PRDM6: variants seen among roughly 807,000 people sequenced by gnomAD.
The protein encoded by PRDM6 is putative histone-lysine N-methyltransferase PRDM6.
A neutral mutation model predicts 60.8 loss-of-function variants in PRDM6; 25 were observed. That is an observed-to-expected ratio of 0.41 (90% CI 0.30 to 0.57). The LOEUF is 0.57. PRDM6 is among the 20% of genes least tolerant of loss of function. The pLI is 0.27. For synonymous variants in PRDM6, 407 were observed against 357.4 expected, an observed-to-expected ratio of 1.14 and a Z score of -1.57; for missense variants, 839 against 821.3, an observed-to-expected ratio of 1.02 and a Z score of -0.26.
intron 7 of PRDM6, among the ~76,000 whole-genome samples, chr5:123,182,957 T>C (rs979898818): frequency 6.6e-6 from 1 of 152,356 alleles, no homozygotes; most frequent in South Asian, 2.1e-4. Flanking sequence ...TCTTTCAGAA[T>C]TGATCTATCC....
At chr5:123,153,788 AGC>A (rs1237247309) in intron 3 of PRDM6, among the ~76,000 whole-genome samples, 1 of 152,186 alleles carries the variant, frequency 6.6e-6, no homozygotes, top group African/African-American at 2.4e-5. Flanking sequence ...TGATCAAATG[AGC>A]CAACGGTTAA....
In PRDM6 at chr5:123,187,698, AGAGTGAGAGCCTTCGCT is replaced by A. The variant is rs1378285434; in HGVS notation, c.*502_*518del. On this transcript the variant is annotated 3_prime_UTR_variant, in exon 8 of 8. Coordinates refer to ENST00000407847, the MANE Select transcript of PRDM6 (RefSeq NM_001136239.4). ...CTGCCCCAGCGGGGACCACGGAAGC[AGAGTGAGAGCCTTCGCT>A]GAGTCAATGCTACCTTCAGCCCCAG... 1 of 156,476 alleles carries A rather than the reference AGAGTGAGAGCCTTCGCT, an allele frequency of 6.4e-6. No homozygotes were observed. The highest frequency in any genetic ancestry group is 6.2e-5 in the Admixed American group (1 of 16,076). 9.7% of individuals were successfully genotyped at this position (156,476 alleles called of 1,614,324 possible).
intron 3 of PRDM6, among the ~76,000 whole-genome samples, chr5:123,125,159 AC>A (rs1561831033): frequency 1.6e-4 from 8 of 48,664 alleles, no homozygotes; most frequent in African/African-American, 4.3e-4. Context: ...CCTCCCCCCC[AC>A]CCGCCGGCCC....
intron 5 of PRDM6, among the ~76,000 whole-genome samples, chr5:123,170,434 G>A (rs536442052): frequency 5.7e-4 from 87 of 152,294 alleles, no homozygotes; most frequent in Admixed American, 1.9e-3. Flanking sequence ...CTCTTGCTGT[G>A]CCTCCCATCT....
intron 3 of PRDM6, among the ~76,000 whole-genome samples, chr5:123,121,116 G>A (rs1764570478): frequency 1.3e-5 from 2 of 152,054 alleles, no homozygotes; most frequent in Admixed American, 1.3e-4. Context: ...AAAGAGCAGG[G>A]TCCTGAAAAG....
chr5:123,148,022 C>T (rs1423609939), intron 3 of PRDM6, among the ~76,000 whole-genome samples: 1 of 152,216 alleles, frequency 6.6e-6, no homozygotes, highest in Non-Finnish European at 1.5e-5. Context: ...CCAAAATACC[C>T]ATTTCCATTT....
chr5:123,180,779 G>A (rs1256789283), intron 7 of PRDM6, among the ~76,000 whole-genome samples: 1 of 152,126 alleles, frequency 6.6e-6, no homozygotes, highest in Non-Finnish European at 1.5e-5. Context: ...GGATTCTGAT[G>A]AAATATATCC....
intron 3 of PRDM6, among the ~76,000 whole-genome samples, chr5:123,119,203 C>T (rs942317433): frequency 2.0e-5 from 3 of 151,996 alleles, no homozygotes; most frequent in Admixed American, 6.6e-5. Flanking sequence ...TAGCCTAAAC[C>T]GACATCCAAA....
At chr5:123,095,355 C>T (rs948985585) in intron 2 of PRDM6, among the ~76,000 whole-genome samples, 1 of 152,248 alleles carries the variant, frequency 6.6e-6, no homozygotes, top group Non-Finnish European at 1.5e-5. Context: ...CCCATCGCTC[C>T]CTTTCAGCCA....
chr5:123,114,504 C>G (rs1764389336), intron 3 of PRDM6, among the ~76,000 whole-genome samples: 1 of 152,194 alleles, frequency 6.6e-6, no homozygotes, highest in South Asian at 2.1e-4. Flanking sequence ...TGAGGTTTTG[C>G]TTTCTCTCCC....
intron 3 of PRDM6, among the ~76,000 whole-genome samples, chr5:123,141,250 A>G (rs1765092638): frequency 6.6e-6 from 1 of 151,980 alleles, no homozygotes; most frequent in Non-Finnish European, 1.5e-5. Flanking sequence ...CTGCAATGAG[A>G]TAGATCTGAA....
At chr5:123,128,388 G>A (rs1344030919) in intron 3 of PRDM6, among the ~76,000 whole-genome samples, 1 of 152,218 alleles carries the variant, frequency 6.6e-6, no homozygotes, top group Non-Finnish European at 1.5e-5. Context: ...CCCACCAACA[G>A]TGTAAAAGCG....
intron 2 of PRDM6, among the ~76,000 whole-genome samples, chr5:123,095,396 TG>T (rs1260397805): frequency 6.6e-6 from 1 of 152,174 alleles, no homozygotes; most frequent in Admixed American, 6.5e-5. Context: ...GAGAAGGCAG[TG>T]GGGGGACCGC....
chr5:123,148,439 T>G (rs373318542), intron 3 of PRDM6, among the ~76,000 whole-genome samples: 77 of 152,194 alleles, frequency 5.1e-4, no homozygotes, highest in Middle Eastern at 3.4e-3. Context: ...TTAATTGTAA[T>G]AGGTGGAGGA....
intron 2 of PRDM6, among the ~76,000 whole-genome samples, chr5:123,095,802 CACA>C (rs1763944053): frequency 6.6e-6 from 1 of 152,240 alleles, no homozygotes; most frequent in Non-Finnish European, 1.5e-5. Flanking sequence ...CACGCGCCTA[CACA>C]TGACTGTTGG....
rs200179553 is a variant in PRDM6, at chr5:123,159,551, A to G, written c.1066A>G (p.Arg356Gly). Residue 356 changes from arginine to glycine, a missense_variant, in exon 5 of 8, where the codon AGG (arginine) becomes GGG (glycine). Physicochemically the swap from Arg to Gly is moderately radical, Grantham distance 125. This residue lies in a region of PRDM6 where 730 missense variants were observed against 648.8 expected (regional missense o/e 1.13). Coordinates refer to ENST00000407847, the MANE Select transcript of PRDM6 (RefSeq NM_001136239.4). Reference protein sequence around the residue: ...IFYRACIDIPRGTELLVWYND... With the variant: ...IFYRACIDIPGGTELLVWYND... ...CTACCGAGCCTGTATAGATATCCCTAGGGGCACCGAGCTTCTGGTGTGGTA... is the reference window on the plus strand; with the variant it reads ...CTACCGAGCCTGTATAGATATCCCTGGGGGCACCGAGCTTCTGGTGTGGTA... The G allele has an allele frequency of 6.4e-6, 10 of 1,551,338 alleles. No homozygotes were observed. Among genetic ancestry groups the G allele is most frequent in the Non-Finnish European group, 8.7e-7 (1 of 1,146,822 alleles).
At chr5:123,139,742 T>A (rs1624822) in intron 3 of PRDM6, among the ~76,000 whole-genome samples, 1 of 151,388 alleles carries the variant, frequency 6.6e-6, no homozygotes, top group East Asian at 2.0e-4. Flanking sequence ...ATTTTTAAAA[T>A]GTGAAGATTT....
chr5:123,174,377 C>T (rs1291822974), intron 6 of PRDM6, among the ~76,000 whole-genome samples: 1 of 152,172 alleles, frequency 6.6e-6, no homozygotes, highest in Non-Finnish European at 1.5e-5. Flanking sequence ...GAATGCATTT[C>T]CCTTGCTCAG....
At chr5:123,124,014 A>G (rs1165498008) in intron 3 of PRDM6, among the ~76,000 whole-genome samples, 1 of 152,210 alleles carries the variant, frequency 6.6e-6, no homozygotes, top group Non-Finnish European at 1.5e-5. Context: ...GAGTGACATG[A>G]GCAAGGGCAG....
Sources: gnomAD v4.1 joint callset for allele counts (sites outside exome capture counted in the v4.1 genomes callset) on GRCh38, gnomAD v4.1.1 for gene constraint, gnomAD v4.1.1 regional missense constraint, MANE v1.5 for transcripts, NCBI Gene and HGNC (gene_info 2026-07-23, HGNC 2026-07-21) for gene names.